SMC1B: variants seen among roughly 807,000 people sequenced by gnomAD.
The protein encoded by SMC1B is structural maintenance of chromosomes 1B.
Under a neutral mutation model 157.9 loss-of-function variants are expected in SMC1B, and 60 were observed. That is an observed-to-expected ratio of 0.38 (90% CI 0.31 to 0.47). The LOEUF is 0.47. Ranked by LOEUF, SMC1B falls within the 20% of genes least tolerant of loss-of-function variation. The pLI, the probability that SMC1B is intolerant of heterozygous loss-of-function variation, is 0.99. For synonymous variants in SMC1B, 445 were observed against 483.0 expected (o/e 0.92, Z 1.03); for missense variants, 1,165 against 1,426.2 (o/e 0.82, Z 2.95).
At chr22:45,387,135 G>T in intron 10 of SMC1B, 89 bp from the exon 11 acceptor site, 2 of 1,129,742 alleles carry the variant, frequency 1.8e-6, no homozygotes, top group Non-Finnish European at 2.5e-6. Context: ...ACATATATAC[G>T]CATGGCAGCA....
intron 4 of SMC1B, 104 bp from the exon 5 acceptor site, chr22:45,402,675 T>C: frequency 5.0e-6 from 4 of 807,424 alleles, no homozygotes; most frequent in Non-Finnish European, 8.1e-6. Context: ...GAATGTTTAT[T>C]TATTAGGACA....
At chr22:45,405,201 G>A (rs2087244728) in intron 4 of SMC1B, among the ~76,000 whole-genome samples, 1 of 152,142 alleles carries the variant, frequency 6.6e-6, no homozygotes. Context: ...GGTCAAGGTG[G>A]TAGCAAAGCA....
At chr22:45,381,769 G>T (rs1307362605) in intron 12 of SMC1B, among the ~76,000 whole-genome samples, 1 of 152,118 alleles carries the variant, frequency 6.6e-6, no homozygotes, top group Non-Finnish European at 1.5e-5. Context: ...GCCTAAATTT[G>T]TTAAAATCTT....
chr22:45,369,179 C>T (rs2086805148), intron 15 of SMC1B, among the ~76,000 whole-genome samples: 1 of 152,102 alleles, frequency 6.6e-6, no homozygotes, highest in Admixed American at 6.5e-5. Context: ...TCACTGCAAG[C>T]TCCACCTCCC....
At chr22:45,375,108 T>C (rs2086872032) in intron 12 of SMC1B, among the ~76,000 whole-genome samples, 1 of 152,228 alleles carries the variant, frequency 6.6e-6, no homozygotes, top group Non-Finnish European at 1.5e-5. Context: ...CTGCCTCCTA[T>C]TCTATTCAGA....
At chr22:45,396,739 G>T (rs1377206422) in intron 6 of SMC1B, among the ~76,000 whole-genome samples, 1 of 151,608 alleles carries the variant, frequency 6.6e-6, no homozygotes, top group Non-Finnish European at 1.5e-5. Context: ...TTTTGCCCAG[G>T]CTGGAGTACA....
intron 5 of SMC1B, 121 bp from the exon 6 acceptor site, chr22:45,399,474 G>C: frequency 1.1e-6 from 1 of 950,366 alleles, no homozygotes; most frequent in Non-Finnish European, 1.5e-6. Flanking sequence ...TTCAGAGACT[G>C]TAAGCAGATC....
At chr22:45,377,990 C>T (rs1001131531) in intron 12 of SMC1B, among the ~76,000 whole-genome samples, 4 of 152,090 alleles carry the variant, frequency 2.6e-5, no homozygotes, top group African/African-American at 9.7e-5. Context: ...AGGTGCATGC[C>T]ACCACTCCTG....
At chr22:45,354,586 T>C (rs897873779) in intron 20 of SMC1B, among the ~76,000 whole-genome samples, 1 of 152,160 alleles carries the variant, frequency 6.6e-6, no homozygotes, top group African/African-American at 2.4e-5. Flanking sequence ...ACATGGGGTT[T>C]TACCATGTTG....
At chr22:45,348,973 A>G (rs8136319) in intron 23 of SMC1B, among the ~76,000 whole-genome samples, 131,677 of 150,862 alleles carry the variant, frequency 0.87, 57,459 homozygotes, top group African/African-American at 0.91. Flanking sequence ...CGAAGTGCTG[A>G]GATTACAGGC....
chr22:45,358,664 G>T, intron 19 of SMC1B, 33 bp downstream of exon 19: 1 of 1,255,768 alleles, frequency 8.0e-7, no homozygotes. Flanking sequence ...CCGTATTACT[G>T]TGAGTGATAA....
Position 45,391,423 on chromosome 22 carries a change from TTTG to T in SMC1B, c.1546-1529_1546-1527del, listed in dbSNP as rs2087057914. ...CATAGTGCAAAACATTTATGGGGAT[TTTG>T]TTCTGTAACCTTCTAGACTGGGCTC... On this transcript the variant is annotated intron_variant, in intron 9 of 24. Transcript: ENST00000357450. 2.0e-5 allele frequency among the ~76,000 whole-genome samples: 3 copies of T among 152,212 alleles called. No individual in the cohort carries two copies. The South Asian group carries it at 6.2e-4, about 32-fold the overall frequency.
intron 5 of SMC1B, 128 bp downstream of exon 5, chr22:45,402,205 T>C: frequency 1.4e-6 from 1 of 714,778 alleles, no homozygotes; most frequent in South Asian, 1.9e-5. Flanking sequence ...ATAATTTTTC[T>C]GTATATCTAA....
At chr22:45,405,169 G>T (rs2087244186) in intron 4 of SMC1B, among the ~76,000 whole-genome samples, 1 of 152,000 alleles carries the variant, frequency 6.6e-6, no homozygotes, top group Admixed American at 6.6e-5. Context: ...AAAGGAGTTT[G>T]GTGTGTTCAA....
In SMC1B at chr22:45,404,479, G is replaced by C. The variant is rs541216037; in HGVS notation, c.616-1908C>G. Among the ~76,000 whole-genome samples the C allele has an allele frequency of 5.3e-5, 8 of 152,252 alleles. No individual in the cohort carries two copies. In the South Asian group the frequency reaches 1.7e-3, roughly 32 times the overall value. ...CCTGAACCAGGAGACAACCAACTAAGAGTCCCATACCTTTTCAAGTCTGAT... is the reference window on the plus strand; with the variant it reads ...CCTGAACCAGGAGACAACCAACTAACAGTCCCATACCTTTTCAAGTCTGAT... On this transcript the variant is annotated intron_variant, in intron 4 of 24. Transcript: ENST00000357450.
chr22:45,389,960 A>T, intron 9 of SMC1B, 63 bp from the exon 10 acceptor site: 1 of 1,355,530 alleles, frequency 7.4e-7, no homozygotes, highest in Non-Finnish European at 1.0e-6. Flanking sequence ...ATAATTCATT[A>T]TTTTCTAATG....
chr22:45,408,852 T>C lies in SMC1B; in HGVS notation c.156A>G (p.Lys52=). ...TATTTTTCACTCTTAAATTAGCTAT[T>C]TTCTCTCCCATTACAAAACTAAGTG... The part of the protein sequence containing the change: ...MDALSFVMGE[K]IANLRVKNIQ... Residue 52 remains lysine, a synonymous_variant, in exon 2 of 25, where the codon AAA becomes AAG. Coordinates refer to ENST00000357450, the MANE Select transcript of SMC1B (RefSeq NM_148674.5). 1.3e-6 allele frequency: 2 copies of C among 1,563,032 alleles called. No individual in the cohort carries two copies. Among genetic ancestry groups the C allele is most frequent in the South Asian group, 1.2e-5 (1 of 82,754 alleles).
At chr22:45,413,185 G>T (rs1434135389) in intron 1 of SMC1B, among the ~76,000 whole-genome samples, 2 of 152,084 alleles carry the variant, frequency 1.3e-5, no homozygotes, top group Admixed American at 6.5e-5. Context: ...GGCCCGAGGC[G>T]GGGCCGAGTG....
At chr22:45,409,087 A>T (rs2087298585) in intron 1 of SMC1B, among the ~76,000 whole-genome samples, 189 bp from the exon 2 acceptor site, 1 of 152,224 alleles carries the variant, frequency 6.6e-6, no homozygotes, top group Admixed American at 6.5e-5. Flanking sequence ...TCTATTGTAG[A>T]CTATTAAGAG....
Sources: allele counts gnomAD v4.1 joint callset (sites outside exome capture counted in the v4.1 genomes callset), GRCh38; gene constraint gnomAD v4.1.1; transcripts MANE v1.5; gene names NCBI Gene and HGNC (gene_info 2026-07-23, HGNC 2026-07-21).